The following LIG4 variants were observed in gnomAD, a reference collection of about 807,000 sequenced individuals.
The protein encoded by LIG4 is DNA joinase.
A neutral mutation model predicts 19.0 loss-of-function variants in LIG4; 13 were observed. The ratio of observed to expected loss-of-function variants is 0.68; its 90% CI spans 0.44 to 1.09. The LOEUF (loss-of-function observed/expected upper bound fraction) is 1.09, where lower values mean the gene tolerates loss of function less well. LIG4 is among the 50% of genes least tolerant of loss of function. LIG4 has a pLI of 0.00. For synonymous variants in LIG4, 361 were observed against 358.2 expected, an observed-to-expected ratio of 1.01 and a Z score of -0.09; for missense variants, 1,026 against 1,089.7, an observed-to-expected ratio of 0.94 and a Z score of 0.82.
Position 108,210,114 on chromosome 13 carries a change from C to T in LIG4, c.1155G>A (p.Arg385=). The change falls in exon 3 of 3, where the codon AGG becomes AGA. Residue 385 remains arginine, a synonymous_variant. Transcript: ENST00000442234. The stretch of plus-strand genomic sequence containing the variant: ...TAAAAATACTACTAAGAATCTCATA[C>T]CTCTTTCTCAGAGTCTCATGCCCTA... ...KKLGHETLRK[R]YEILSSIFTP... is the part of the protein sequence containing the mutation. The T allele has an allele frequency of 6.2e-7, 1 of 1,613,564 alleles. No homozygotes were observed.
At position 108,208,619 on chromosome 13, in the gene LIG4, T is replaced by C. The variant is rs1271028986; in HGVS notation, c.2650A>G (p.Arg884Gly). 3.1e-6 allele frequency: 5 copies of C among 1,613,224 alleles called. No individual in the cohort carries two copies. Among genetic ancestry groups the C allele is most frequent in the Non-Finnish European group, 3.4e-6 (4 of 1,179,400 alleles). ...CTTTCTTTTAGGATTTTAAACTTTC[T>C]CTTAAAAGTTCTTCTAAAAGCTTTA... The part of the protein sequence containing the change: ...DFKAFRRTFK[R>G]KFKILKESWV... Residue 884 changes from arginine to glycine, a missense_variant, in exon 3 of 3, where the codon AGA becomes GGA. Arg to Gly is a moderately radical substitution (Grantham distance 125). Around this residue, in one of 3 missense-constraint regions of LIG4, gnomAD observed 521 missense variants for 515.5 expected, o/e 1.01. Transcript: ENST00000442234.
At position 108,210,745 on chromosome 13, in the gene LIG4, A is replaced by G. The variant is rs373262036; in HGVS notation, c.524T>C (p.Ile175Thr). 8.7e-6 allele frequency: 14 copies of G among 1,613,968 alleles called. No homozygotes were observed. Among genetic ancestry groups the G allele is most frequent in the African/African-American group, 1.3e-5 (1 of 74,956 alleles). The change falls in exon 3 of 3, where the codon ATA (isoleucine) becomes ACA (threonine). Residue 175 changes from isoleucine to threonine, a missense_variant. Physicochemically the swap from Ile to Thr is moderately conservative, Grantham distance 89 (BLOSUM62 -1). Around this residue, in one of 3 missense-constraint regions of LIG4, gnomAD observed 493 missense variants for 544.5 expected, o/e 0.91. Coordinates refer to ENST00000442234, the MANE Select transcript of LIG4 (RefSeq NM_206937.2). ...DLIKKSLLQLITQSSALEQKW... is the reference protein window; with the variant it reads ...DLIKKSLLQLTTQSSALEQKW... The stretch of plus-strand genomic sequence containing the variant: ...TTGCTCAAGTGCTGAACTCTGAGTT[A>G]TAAGTTGAAGAAGGCTCTTTTTTAT...
upstream of LIG4, among the ~76,000 whole-genome samples, chr13:108,216,587 A>G (rs1299358440): frequency 6.6e-6 from 1 of 152,204 alleles, no homozygotes; most frequent in Non-Finnish European, 1.5e-5. Context: ...ATCTAAAATC[A>G]TCTGTGATGT....
chr13:108,210,097 C>G lies in LIG4; in HGVS notation c.1172G>C (p.Ser391Thr). Residue 391 changes from serine (S) to threonine (T), a missense_variant, in exon 3 of 3, where the codon AGT (serine) becomes ACT (threonine). By Grantham distance (58) the Ser-to-Thr change is moderately conservative (BLOSUM62 1). This residue lies in a region of LIG4 where 493 missense variants were observed against 544.5 expected (regional missense o/e 0.91). Transcript: ENST00000442234. ...TCTACCTGGAATTGGTGTAAAAATA[C>G]TACTAAGAATCTCATACCTCTTTCT... is the stretch of plus-strand genomic sequence containing the variant. ...TLRKRYEILSSIFTPIPGRIE... is the reference protein window; with the variant it reads ...TLRKRYEILSTIFTPIPGRIE... 6.2e-7 allele frequency: 1 copy of G among 1,613,210 alleles called. No individual in the cohort carries two copies. Among genetic ancestry groups the G allele is most frequent in the South Asian group, 1.1e-5 (1 of 91,074 alleles).
intron 2 of LIG4, among the ~76,000 whole-genome samples, chr13:108,213,687 C>T (rs1878905222): frequency 6.6e-6 from 1 of 152,190 alleles, no homozygotes; most frequent in Non-Finnish European, 1.5e-5. Flanking sequence ...CTGGTTAGGG[C>T]TCAGGTTTTA....
intron 2 of LIG4, among the ~76,000 whole-genome samples, chr13:108,213,257 A>AC (rs1491459384): frequency 0.03 from 4,605 of 152,320 alleles, 240 homozygotes; most frequent in African/African-American, 0.11. Context: ...TCAAGGGAGT[A>AC]AACAGGGTAC....
upstream of LIG4, among the ~76,000 whole-genome samples, chr13:108,217,622 G>A (rs1566376270): frequency 6.6e-6 from 1 of 152,220 alleles, no homozygotes; most frequent in East Asian, 1.9e-4. Flanking sequence ...GCTTGAACCA[G>A]GGAGGCGGAG....
upstream of LIG4, among the ~76,000 whole-genome samples, chr13:108,216,365 T>C (rs1315079700): frequency 6.6e-6 from 1 of 152,198 alleles, no homozygotes. Context: ...GCATAAAATA[T>C]TGCTTTACAA....
Position 108,210,666 on chromosome 13 carries a change from T to C in LIG4, c.603A>G (p.Gln201=). ...IKDLKLGVSQ[Q]TIFSVFHNDA... The stretch of plus-strand genomic sequence containing the variant: ...CATTATGAAAAACAGAAAAGATAGT[T>C]TGCTGACTAACACCAAGCTTTAAAT... Residue 201 remains glutamine, a synonymous_variant, in exon 3 of 3, where the codon CAA becomes CAG. Coordinates refer to ENST00000442234, the MANE Select transcript of LIG4 (RefSeq NM_206937.2). 6.2e-7 allele frequency: 1 copy of C among 1,613,848 alleles called. No homozygotes were observed. The highest frequency in any genetic ancestry group is 8.5e-7 in the Non-Finnish European group (1 of 1,179,960).
At chr13:108,213,899 C>G (rs1226790968) in intron 2 of LIG4, among the ~76,000 whole-genome samples, 2 of 152,128 alleles carry the variant, frequency 1.3e-5, no homozygotes, top group African/African-American at 4.8e-5. Flanking sequence ...AATTTTAATA[C>G]TATAATGCTT....
chr13:108,208,577 T>C lies in LIG4; in HGVS notation c.2692A>G (p.Ile898Val), dbSNP rs950925996. The change falls in exon 3 of 3, where the codon ATA becomes GTA. Residue 898 changes from isoleucine (I) to valine (V), a missense_variant. Physicochemically the swap from Ile to Val is conservative, Grantham distance 29. This residue lies in a region of LIG4 where 521 missense variants were observed against 515.5 expected (regional missense o/e 1.01). Transcript: ENST00000442234. The stretch of plus-strand genomic sequence containing the variant: ...TCTTCTTGTAATTCACACTTGTCTA[T>C]TGAATCAGTTACCCAACTTTCTTTT... Reference protein sequence around the residue: ...ILKESWVTDSIDKCELQEENQ... With the variant: ...ILKESWVTDSVDKCELQEENQ... 12 of 1,612,920 alleles carry C rather than the reference T, an allele frequency of 7.4e-6. No individual in the cohort carries two copies. The highest frequency in any genetic ancestry group is 2.2e-5 in the South Asian group (2 of 90,996).
intron 2 of LIG4, among the ~76,000 whole-genome samples, chr13:108,213,881 G>T (rs1228726372): frequency 6.6e-6 from 1 of 152,158 alleles, no homozygotes; most frequent in Admixed American, 6.5e-5. Context: ...AAAGTAGTAA[G>T]TCTTGATAAT....
In LIG4 at chr13:108,212,991, G is replaced by A. The variant is rs546845311; in HGVS notation, c.-29+1547C>T. On this transcript the variant is annotated intron_variant, in intron 2 of 2. Coordinates refer to ENST00000442234, the MANE Select transcript of LIG4 (RefSeq NM_206937.2). ...TTAAAAATATTCAGTAGCTCTGACT[G>A]CCCTGGCAATGGTTTACAACAGCCA... 5.9e-5 allele frequency among the ~76,000 whole-genome samples: 9 copies of A among 152,208 alleles called. No individual in the cohort carries two copies. In the South Asian group the frequency reaches 1.7e-3, roughly 28 times the overall value.
chr13:108,212,056 C>T (rs1211716369), intron 2 of LIG4, among the ~76,000 whole-genome samples: 1 of 151,858 alleles, frequency 6.6e-6, no homozygotes, highest in Non-Finnish European at 1.5e-5. Context: ...TAGTATGCTG[C>T]TTTTTTCATA....
In LIG4 at chr13:108,210,863, T is replaced by C. The variant is rs1400902337; in HGVS notation, c.406A>G (p.Arg136Gly). 1 of 1,613,924 alleles carries C rather than the reference T, an allele frequency of 6.2e-7. No homozygotes were observed. Among genetic ancestry groups the C allele is most frequent in the Non-Finnish European group, 8.5e-7 (1 of 1,179,976 alleles). Reference protein sequence around the residue: ...AMIAYFVLKPRCLQKGSLTIQ... With the variant: ...AMIAYFVLKPGCLQKGSLTIQ... ...GTTAAACTTCCTTTCTGTAAACATCTTGGCTTCAACACAAAATATGCAATC... is the reference window on the plus strand; with the variant it reads ...GTTAAACTTCCTTTCTGTAAACATCCTGGCTTCAACACAAAATATGCAATC... Residue 136 changes from arginine (R) to glycine (G), a missense_variant, in exon 3 of 3, where the codon AGA (arginine) becomes GGA (glycine). Arg to Gly is a moderately radical substitution (Grantham distance 125, BLOSUM62 -2). Transcript: ENST00000442234.
intron 2 of LIG4, among the ~76,000 whole-genome samples, chr13:108,212,260 T>C (rs3093755): frequency 0.013 from 1,932 of 151,704 alleles, 32 homozygotes; most frequent in African/African-American, 0.044. Context: ...TGCCAAGTGC[T>C]TTAACAAAAT....
At chr13:108,216,858 G>C (rs893040196), upstream of LIG4, among the ~76,000 whole-genome samples, 1 of 152,150 alleles carries the variant, frequency 6.6e-6, no homozygotes, top group African/African-American at 2.4e-5. Context: ...TCAAAGCCCA[G>C]TCTCCATTTC....
At chr13:108,214,973 C>G (rs1879094233) in intron 1 of LIG4, among the ~76,000 whole-genome samples, 1 of 86,034 alleles carries the variant, frequency 1.2e-5, no homozygotes. Flanking sequence ...TACTTGACTC[C>G]CCACACATCC....
At chr13:108,213,564 T>C (rs1017615394) in intron 2 of LIG4, among the ~76,000 whole-genome samples, 2 of 152,252 alleles carry the variant, frequency 1.3e-5, no homozygotes, top group African/African-American at 4.8e-5. Context: ...TACAACGGCA[T>C]AAAAAGTCAA....
Sources: gnomAD v4.1 joint callset for allele counts (sites outside exome capture counted in the v4.1 genomes callset) on GRCh38, gnomAD v4.1.1 for gene constraint, gnomAD v4.1.1 regional missense constraint, MANE v1.5 for transcripts, NCBI Gene and HGNC (gene_info 2026-07-23, HGNC 2026-07-21) for gene names.